DCSTAMP: variants seen among roughly 807,000 people sequenced by gnomAD.
The protein encoded by DCSTAMP is dendritic cell-specific transmembrane protein.
DCSTAMP carries 25 observed loss-of-function variants against 33.8 expected under a neutral mutation model. The observed-to-expected ratio is 0.74, with a 90% CI of 0.54 to 1.03. DCSTAMP has a LOEUF of 1.03. Ranked by LOEUF, DCSTAMP falls within the 50% of genes least tolerant of loss-of-function variation. The pLI, the probability that DCSTAMP is intolerant of heterozygous loss-of-function variation, is 0.00. For missense variants in DCSTAMP, 531 were observed against 556.8 expected, an observed-to-expected ratio of 0.95 and a Z score of 0.47; for synonymous variants, 245 against 216.7, an observed-to-expected ratio of 1.13 and a Z score of -1.15.
At chr8:104,356,070 AT>A in intron 3 of DCSTAMP, 53 bp from the exon 4 acceptor site, 1 of 1,526,594 alleles carries the variant, frequency 6.6e-7, no homozygotes, top group South Asian at 1.2e-5. Flanking sequence ...TGTCAGAGGC[AT>A]TTAAAATGAC....
intron 2 of DCSTAMP, among the ~76,000 whole-genome samples, chr8:104,354,577 A>C (rs555918685): frequency 4.6e-5 from 7 of 152,252 alleles, no homozygotes; most frequent in Non-Finnish European, 1.0e-4. Flanking sequence ...TCTAATGGGC[A>C]TTGTGATTTT....
intron 2 of DCSTAMP, 30 bp downstream of exon 2, chr8:104,349,611 A>C (rs559554308): frequency 6.3e-7 from 1 of 1,575,312 alleles, no homozygotes; most frequent in South Asian, 1.2e-5. Context: ...CTCATGGTTT[A>C]TCCCGGCTAT....
rs200017505 is a variant in DCSTAMP, at chr8:104,349,259, G to C, written c.707G>C (p.Gly236Ala). 8.1e-6 allele frequency: 13 copies of C among 1,614,166 alleles called. No homozygotes were observed. The highest frequency in any genetic ancestry group is 1.1e-5 in the Non-Finnish European group (13 of 1,180,028). The stretch of plus-strand genomic sequence containing the variant: ...GGCCTCTTCATGAAGCGATTTTTGG[G>C]CCCTTGTGGTTGGAAGTATGAAAAC... ...GTGLFMKRFL[G>A]PCGWKYENIY... The change falls in exon 2 of 4, where the codon GGC becomes GCC. Residue 236 changes from glycine to alanine, a missense_variant. Transcript: ENST00000297581.
chr8:104,353,752 G>T (rs1211577660), intron 2 of DCSTAMP, among the ~76,000 whole-genome samples: 2 of 152,236 alleles, frequency 1.3e-5, no homozygotes, highest in Non-Finnish European at 2.9e-5. Flanking sequence ...AGCGTCCGCT[G>T]GGTGTAGTTG....
At position 104,348,854 on chromosome 8, in the gene DCSTAMP, C is replaced by G; in HGVS notation, c.302C>G (p.Ala101Gly). The change falls in exon 2 of 4, where the codon GCT (alanine) becomes GGT (glycine). Residue 101 changes from alanine to glycine, a missense_variant. Coordinates refer to ENST00000297581, the MANE Select transcript of DCSTAMP (RefSeq NM_030788.4). ...LREGRNALIA[A>G]GTGIVILGHV... Reference sequence around the variant, plus strand: ...GAAGGCAGGAATGCTTTGATTGCAGCTGGCACAGGGATCGTCATCTTGGGA... The same window carrying G: ...GAAGGCAGGAATGCTTTGATTGCAGGTGGCACAGGGATCGTCATCTTGGGA... The G allele has an allele frequency of 7.4e-6, 12 of 1,614,206 alleles. No homozygotes were observed. The highest frequency in any genetic ancestry group is 1.0e-5 in the Non-Finnish European group (12 of 1,180,048).
intron 1 of DCSTAMP, among the ~76,000 whole-genome samples, chr8:104,344,666 G>T (rs1239889302): frequency 6.6e-6 from 1 of 152,164 alleles, no homozygotes; most frequent in Non-Finnish European, 1.5e-5. Context: ...AGTCTAAGAA[G>T]CTCTGAGGTA....
In DCSTAMP at chr8:104,342,289, G is replaced by A. The variant is rs192433114; in HGVS notation, c.-13+2427G>A. 5.3e-5 allele frequency among the ~76,000 whole-genome samples: 8 copies of A among 152,324 alleles called. No individual in the cohort carries two copies. In the East Asian group the frequency reaches 1.5e-3, roughly 29 times the overall value. On this transcript the variant is annotated intron_variant, in intron 1 of 3. Transcript: ENST00000297581. ...GCCAGAGAGGAGAGAAGAGAGCCAT[G>A]TGAACGTCATCTGATGATCAAGGCT...
rs1810575485 is a variant in DCSTAMP, at chr8:104,354,930, T to C, written c.1083T>C (p.Phe361=). Residue 361 remains phenylalanine, a synonymous_variant, in exon 3 of 4, where the codon TTT becomes TTC. Transcript: ENST00000297581. ...IHDSSFNISV[F]EPNCIPKPKF... is the part of the protein sequence containing the mutation. ...ATTCTTCCTTTAATATATCTGTGTTTGAACCCAACTGTATCCCAAAACCAA... is the reference window on the plus strand; with the variant it reads ...ATTCTTCCTTTAATATATCTGTGTTCGAACCCAACTGTATCCCAAAACCAA... The C allele has an allele frequency of 6.2e-7, 1 of 1,611,330 alleles. No individual in the cohort carries two copies. Among genetic ancestry groups the C allele is most frequent in the Non-Finnish European group, 8.5e-7 (1 of 1,177,584 alleles).
chr8:104,341,933 G>A (rs1302258021), intron 1 of DCSTAMP, among the ~76,000 whole-genome samples: 1 of 152,072 alleles, frequency 6.6e-6, no homozygotes, highest in East Asian at 1.9e-4. Context: ...TTGTATCCTG[G>A]GGACACAAGC....
chr8:104,344,027 A>T (rs2099383445), intron 1 of DCSTAMP, among the ~76,000 whole-genome samples: 1 of 152,262 alleles, frequency 6.6e-6, no homozygotes, highest in Non-Finnish European at 1.5e-5. Context: ...GAATTTTAAA[A>T]CAGGACTCAT....
chr8:104,351,718 G>T (rs967821836), intron 2 of DCSTAMP, among the ~76,000 whole-genome samples: 3 of 152,190 alleles, frequency 2.0e-5, no homozygotes, highest in Non-Finnish European at 4.4e-5. Flanking sequence ...AAGCTGTCAT[G>T]GTGCTGGTAG....
chr8:104,345,217 AC>A (rs1333674893), intron 1 of DCSTAMP, among the ~76,000 whole-genome samples: 1 of 152,124 alleles, frequency 6.6e-6, no homozygotes, highest in African/African-American at 2.4e-5. Context: ...TTTACTGGGG[AC>A]CTTTTATCCA....
chr8:104,341,245 G>T (rs1262364679), intron 1 of DCSTAMP, among the ~76,000 whole-genome samples: 1 of 152,332 alleles, frequency 6.6e-6, no homozygotes, highest in Non-Finnish European at 1.5e-5. Flanking sequence ...AGCTCCTAGG[G>T]TGGGCCATTC....
chr8:104,341,337 T>G (rs891228655), intron 1 of DCSTAMP, among the ~76,000 whole-genome samples: 1 of 152,194 alleles, frequency 6.6e-6, no homozygotes, highest in Non-Finnish European at 1.5e-5. Flanking sequence ...AAGGACACAT[T>G]CATCTGCACC....
chr8:104,355,056 G>T lies in DCSTAMP; in HGVS notation c.1209G>T (p.Leu403=). The change falls in exon 3 of 4, where the codon CTG becomes CTT. Residue 403 remains leucine, a synonymous_variant. Coordinates refer to ENST00000297581, the MANE Select transcript of DCSTAMP (RefSeq NM_030788.4). ...LSSILMQLKI[L]VSASFYPSVE... ...CTATCCTTATGCAACTTAAAATCCT[G>T]GTGTCAGCATCTTTCTACCCCAGCG... The T allele has an allele frequency of 6.2e-7, 1 of 1,613,974 alleles. No individual in the cohort carries two copies. Among genetic ancestry groups the T allele is most frequent in the South Asian group, 1.1e-5 (1 of 91,066 alleles).
intron 2 of DCSTAMP, among the ~76,000 whole-genome samples, chr8:104,353,424 G>C (rs1810521957): frequency 6.6e-6 from 1 of 152,146 alleles, no homozygotes; most frequent in Non-Finnish European, 1.5e-5. Context: ...TAAATTTCTA[G>C]ACAAAATAAC....
Position 104,355,080 on chromosome 8 carries a change from C to T in DCSTAMP, c.1233C>T (p.Ser411=), listed in dbSNP as rs201469150. The part of the protein sequence containing the change: ...KILVSASFYP[S]VERKRIQYLH... ...TGGTGTCAGCATCTTTCTACCCCAG[C>T]GTGGAGAGGAAGCGCATCCAATATC... Residue 411 remains serine (S), a synonymous_variant, in exon 3 of 4, where the codon AGC becomes AGT. Transcript: ENST00000297581. The T allele has an allele frequency of 1.5e-4, 237 of 1,613,984 alleles. No individual in the cohort carries two copies. The Middle Eastern group carries it at 7.3e-3, about 49-fold the overall frequency.
At chr8:104,346,861 G>C (rs1415355412) in intron 1 of DCSTAMP, among the ~76,000 whole-genome samples, 1 of 152,178 alleles carries the variant, frequency 6.6e-6, no homozygotes, top group African/African-American at 2.4e-5. Flanking sequence ...TGGTTGCTCA[G>C]TTCACAACCT....
Position 104,354,842 on chromosome 8 carries a change from G to T in DCSTAMP, c.1030-35G>T, listed in dbSNP as rs375827257. ...AAGACAAGAACTGAGTACAAAAATG[G>T]CATGCATCATGATTATTTTATTCTT... On this transcript the variant is annotated intron_variant, in intron 2 of 3. Coordinates refer to ENST00000297581, the MANE Select transcript of DCSTAMP (RefSeq NM_030788.4). The T allele has an allele frequency of 1.2e-5, 17 of 1,384,164 alleles. No individual in the cohort carries two copies. In the African/African-American group the frequency reaches 2.0e-4, roughly 16 times the overall value. 85.7% of individuals were successfully genotyped at this position (1,384,164 alleles called of 1,614,324 possible).
Sources: gnomAD v4.1 joint callset for allele counts (sites outside exome capture counted in the v4.1 genomes callset) on GRCh38, gnomAD v4.1.1 for gene constraint, MANE v1.5 for transcripts, NCBI Gene and HGNC (gene_info 2026-07-23, HGNC 2026-07-21) for gene names.